CACNG8: variants seen among roughly 807,000 people sequenced by gnomAD.
The protein encoded by CACNG8 is voltage-dependent calcium channel gamma-8 subunit.
In CACNG8, 5 loss-of-function variants were observed where a neutral mutation model predicts 26.9. The ratio of observed to expected loss-of-function variants is 0.19; its 90% CI spans 0.10 to 0.39. CACNG8 has a LOEUF of 0.39. Ranked by LOEUF, CACNG8 falls within the 10% of genes least tolerant of loss-of-function variation. CACNG8 has a pLI of 1.00. For missense variants in CACNG8, 473 were observed against 609.4 expected (o/e 0.78, Z 2.36); for synonymous variants, 321 against 296.7 (o/e 1.08, Z -0.84).
At chr19:53,971,129 T>TA (rs1024795358) in intron 1 of CACNG8, among the ~76,000 whole-genome samples, 24 of 150,814 alleles carry the variant, frequency 1.6e-4, no homozygotes, top group Admixed American at 9.9e-4. Context: ...CCGTCTCTAC[T>TA]AAAAAAACAA....
chr19:53,977,184 TG>T (rs1229092139), intron 1 of CACNG8, among the ~76,000 whole-genome samples: 1 of 152,024 alleles, frequency 6.6e-6, no homozygotes, highest in Admixed American at 6.6e-5. Flanking sequence ...TGAGTGTGCA[TG>T]TGTGTCTGTG....
intron 3 of CACNG8, among the ~76,000 whole-genome samples, chr19:53,980,361 T>C (rs796238824): frequency 5.3e-5 from 8 of 151,746 alleles, no homozygotes; most frequent in African/African-American, 1.9e-4. Context: ...TGAGACACAA[T>C]TGGGCTCTTG....
intron 1 of CACNG8, among the ~76,000 whole-genome samples, chr19:53,966,690 G>A (rs1000562699): frequency 3.3e-5 from 5 of 152,166 alleles, no homozygotes; most frequent in Admixed American, 6.5e-5. Context: ...CACTGCACCC[G>A]GCCTCACGGC....
intron 1 of CACNG8, among the ~76,000 whole-genome samples, chr19:53,977,938 C>G (rs2069339686): frequency 6.6e-6 from 1 of 152,132 alleles, no homozygotes; most frequent in Non-Finnish European, 1.5e-5. Flanking sequence ...TGCTTTTCTT[C>G]TTTTCTTTAA....
intron 2 of CACNG8, among the ~76,000 whole-genome samples, chr19:53,979,070 G>GA (rs2069348150): frequency 6.8e-6 from 1 of 146,760 alleles, no homozygotes; most frequent in Non-Finnish European, 1.5e-5. Context: ...AAAGAGGGGG[G>GA]AGAGACCTAG....
chr19:53,974,130 C>T (rs2069317655), intron 1 of CACNG8, among the ~76,000 whole-genome samples: 1 of 152,176 alleles, frequency 6.6e-6, no homozygotes, highest in Non-Finnish European at 1.5e-5. Context: ...CACCCTCCAG[C>T]CCTGGCAACT....
rs537388928 is a variant in CACNG8 at position 53,963,040 on chromosome 19, C to T, written c.-103C>T. 7.7e-6 allele frequency: 4 copies of T among 520,060 alleles called. No individual in the cohort carries two copies. Among genetic ancestry groups the T allele is most frequent in the South Asian group, 7.8e-5 (1 of 12,902 alleles). 32.2% of individuals were successfully genotyped at this position (520,060 alleles called of 1,614,324 possible). On this transcript the variant is annotated 5_prime_UTR_variant, in exon 1 of 4. Coordinates refer to ENST00000270458, the MANE Select transcript of CACNG8 (RefSeq NM_031895.6). ...TCCCCAGCCCCGCCGGCCCCGGGCC[C>T]CCCGCTTCTGCCTGCGCTGTGAACC...
At chr19:53,963,459 C>T (rs1203033870) in intron 1 of CACNG8, 34 bp downstream of exon 1, 1 of 1,425,514 alleles carries the variant, frequency 7.0e-7, no homozygotes, top group Non-Finnish European at 9.1e-7. Context: ...GCAGCCCCCG[C>T]CGCTCCCCTC....
At chr19:53,976,719 C>T (rs980266003) in intron 1 of CACNG8, among the ~76,000 whole-genome samples, 1 of 151,890 alleles carries the variant, frequency 6.6e-6, no homozygotes, top group Non-Finnish European at 1.5e-5. Context: ...GTCACCCAGG[C>T]TGGAGTGTAA....
intron 1 of CACNG8, among the ~76,000 whole-genome samples, chr19:53,968,965 C>T (rs2069286893): frequency 6.6e-6 from 1 of 151,892 alleles, no homozygotes; most frequent in East Asian, 1.9e-4. Flanking sequence ...ACTGAATGCG[C>T]ACAATAACCC....
Position 53,982,388 on chromosome 19 carries a change from C to A in CACNG8, c.817C>A (p.Arg273Ser). Reference sequence around the variant, plus strand: ...CAGTTACCGCTTCCGCTACCGCCGCCGCTCCCGCTCTAGCTCCCGCTCCAG... The same window carrying A: ...CAGTTACCGCTTCCGCTACCGCCGCAGCTCCCGCTCTAGCTCCCGCTCCAG... The change falls in exon 4 of 4, where the codon CGC (arginine) becomes AGC (serine). Residue 273 changes from arginine to serine, a missense_variant. Around this residue, in one of 6 missense-constraint regions of CACNG8, gnomAD observed 155 missense variants for 253.0 expected, o/e 0.61. Transcript: ENST00000270458. The surrounding 1 kb of genome is among the most constrained non-coding windows in gnomAD (Gnocchi z 8.4). 1 of 1,529,046 alleles carries A rather than the reference C, an allele frequency of 6.5e-7. No homozygotes were observed. Among genetic ancestry groups the A allele is most frequent in the Non-Finnish European group, 8.7e-7 (1 of 1,143,730 alleles). 94.7% of individuals were successfully genotyped at this position (1,529,046 alleles called of 1,614,324 possible). A position where few individuals can be genotyped will look rare whatever the true frequency, so the allele number is the denominator to read the frequency against.
At position 53,985,547 on chromosome 19, in the gene CACNG8, G is replaced by A. The variant is rs938877005; in HGVS notation, c.*2698G>A. ...GGAGAGAAGAGGGATGCCGGAGCGGGTGTTAAAAGAGACAAATCTGGCCGG... is the reference window on the plus strand; with the variant it reads ...GGAGAGAAGAGGGATGCCGGAGCGGATGTTAAAAGAGACAAATCTGGCCGG... On this transcript the variant is annotated 3_prime_UTR_variant, in exon 4 of 4. Transcript: ENST00000270458. The A allele has an allele frequency of 6.6e-6, 1 of 152,220 alleles. No homozygotes were observed. The allele number at this position is 152,220 out of a possible 1,614,324, so 9.4% of individuals were successfully genotyped here.
At chr19:53,980,451 G>A (rs2069359570) in intron 3 of CACNG8, among the ~76,000 whole-genome samples, 1 of 152,086 alleles carries the variant, frequency 6.6e-6, no homozygotes, top group African/African-American at 2.4e-5. Context: ...TGAGGAGCCT[G>A]CTTTAAGGGG....
intron 3 of CACNG8, among the ~76,000 whole-genome samples, chr19:53,980,947 T>G (rs75690664): frequency 6.6e-6 from 1 of 151,104 alleles, no homozygotes; most frequent in Non-Finnish European, 1.5e-5. Flanking sequence ...CTGCAAGGGG[T>G]GGGGCTTGGA....
chr19:53,963,559 C>A, intron 1 of CACNG8, 134 bp downstream of exon 1: 1 of 879,014 alleles, frequency 1.1e-6, no homozygotes, highest in Non-Finnish European at 1.6e-6. Context: ...GGCTTCTGCG[C>A]CTTCCCACTC....
In CACNG8 at chr19:53,963,055, C is replaced by A. The variant is rs1051214074; in HGVS notation, c.-88C>A. 9.6e-5 allele frequency: 50 copies of A among 518,386 alleles called. No homozygotes were observed. Among genetic ancestry groups the A allele is most frequent in the African/African-American group, 8.6e-4 (41 of 47,726 alleles). The allele number at this position is 518,386 out of a possible 1,614,324, so 32.1% of individuals were successfully genotyped here. ...GCCCCGGGCCCCCCGCTTCTGCCTGCGCTGTGAACCCCCCCCCAGCCGCCG... is the reference window on the plus strand; with the variant it reads ...GCCCCGGGCCCCCCGCTTCTGCCTGAGCTGTGAACCCCCCCCCAGCCGCCG... On this transcript the variant is annotated 5_prime_UTR_variant, in exon 1 of 4. Coordinates refer to ENST00000270458, the MANE Select transcript of CACNG8 (RefSeq NM_031895.6).
At chr19:53,973,608 C>T (rs745719332) in intron 1 of CACNG8, among the ~76,000 whole-genome samples, 1 of 152,124 alleles carries the variant, frequency 6.6e-6, no homozygotes, top group Non-Finnish European at 1.5e-5. Context: ...AGGAGGATCG[C>T]CTGAGGTCGG....
At chr19:53,969,193 G>A (rs1022363244) in intron 1 of CACNG8, among the ~76,000 whole-genome samples, 3 of 151,810 alleles carry the variant, frequency 2.0e-5, no homozygotes, top group Non-Finnish European at 2.9e-5. Context: ...TAGTAGAGAC[G>A]GGGTTTCACC....
At position 53,985,754 on chromosome 19, in the gene CACNG8, T is replaced by G. The variant is rs1347580918; in HGVS notation, c.*2905T>G. ...GAGGCTGAGGTGAAAGGATCTCGCTTGGGCCTGGGAGGGTGAGGCTGCAGT... is the reference window on the plus strand; with the variant it reads ...GAGGCTGAGGTGAAAGGATCTCGCTGGGGCCTGGGAGGGTGAGGCTGCAGT... On this transcript the variant is annotated 3_prime_UTR_variant, in exon 4 of 4. Coordinates refer to ENST00000270458, the MANE Select transcript of CACNG8 (RefSeq NM_031895.6). 1 of 151,474 alleles carries G rather than the reference T, an allele frequency of 6.6e-6. No individual in the cohort carries two copies. The highest frequency in any genetic ancestry group is 2.4e-5 in the African/African-American group (1 of 41,134). 9.4% of individuals were successfully genotyped at this position (151,474 alleles called of 1,614,324 possible).
Sources: gnomAD v4.1 joint callset for allele counts (sites outside exome capture counted in the v4.1 genomes callset) on GRCh38, gnomAD v4.1.1 for gene constraint, gnomAD v4.1.1 regional missense constraint, Gnocchi (gnomAD v3.1) non-coding constraint, MANE v1.5 for transcripts, NCBI Gene and HGNC (gene_info 2026-07-23, HGNC 2026-07-21) for gene names.